FOXK1: variants seen among roughly 807,000 people sequenced by gnomAD.
The protein encoded by FOXK1 is forkhead box protein K1.
In FOXK1, 19 loss-of-function variants were observed where a neutral mutation model predicts 51.9. The ratio of observed to expected loss-of-function variants is 0.37; its 90% confidence interval spans 0.26 to 0.54. FOXK1 has a LOEUF of 0.54. Ranked by LOEUF, FOXK1 falls within the 20% of genes least tolerant of loss-of-function variation. The pLI is 0.87. For missense variants in FOXK1, 870 were observed against 1,032.7 expected (o/e 0.84, Z 2.16); for synonymous variants, 537 against 482.6 (o/e 1.11, Z -1.48).
Position 4,763,093 on chromosome 7 carries a change from C to G in FOXK1, c.*629C>G, listed in dbSNP as rs1479141078. 1 of 153,032 alleles carries G rather than the reference C, an allele frequency of 6.5e-6. No homozygotes were observed. Among genetic ancestry groups the G allele is most frequent in the Non-Finnish European group, 1.5e-5 (1 of 68,478 alleles). The allele number at this position is 153,032 out of a possible 1,614,324, so 9.5% of individuals were successfully genotyped here. A position where few individuals can be genotyped will look rare whatever the true frequency, so the allele number is the denominator to read the frequency against. On this transcript the variant is annotated 3_prime_UTR_variant, in exon 9 of 9. Coordinates refer to ENST00000328914, the MANE Select transcript of FOXK1 (RefSeq NM_001037165.2). ...CTTCATTGTACACCTGAGACAGACA[C>G]AAAAGGGATCATGTATTTTTGAGGA... is the stretch of plus-strand genomic sequence containing the variant.
At chr7:4,754,762 T>A in intron 3 of FOXK1, 147 bp downstream of exon 3, 1 of 1,032,506 alleles carries the variant, frequency 9.7e-7, no homozygotes, top group African/African-American at 1.6e-5. Flanking sequence ...CAGCTGGCGG[T>A]AGAGCCGTCG....
At chr7:4,702,545 A>C (rs569921782) in intron 1 of FOXK1, among the ~76,000 whole-genome samples, 1 of 152,104 alleles carries the variant, frequency 6.6e-6, no homozygotes, top group Non-Finnish European at 1.5e-5. Flanking sequence ...GGGTTTCACC[A>C]TGTTGGCCAG....
At position 4,690,314 on chromosome 7, in the gene FOXK1, G is replaced by A. The variant is rs113842437; in HGVS notation, c.560+7446G>A. On this transcript the variant is annotated intron_variant, in intron 1 of 8. Coordinates refer to ENST00000328914, the MANE Select transcript of FOXK1 (RefSeq NM_001037165.2). ...CGGGGTGAAGCTTTAGTTTCAGTCC[G>A]GTTGTATCTTGATAGCCAAGAAATG... Among the ~76,000 whole-genome samples, 37 of 152,350 alleles carry A rather than the reference G, an allele frequency of 2.4e-4. No individual in the cohort carries two copies. In the East Asian group the frequency reaches 6.0e-3, roughly 25 times the overall value.
chr7:4,752,474 A>G (rs1780791821), intron 2 of FOXK1, among the ~76,000 whole-genome samples: 2 of 152,230 alleles, frequency 1.3e-5, no homozygotes, highest in African/African-American at 2.4e-5. Flanking sequence ...CTTCTGCAAA[A>G]TAACTGCTGG....
chr7:4,723,951 G>T lies in FOXK1; in HGVS notation c.561-16887G>T, dbSNP rs762488401. ...TTCCCAAAGTGCTGGGATTACAGGCGTGCACCTCTGTGCTCGGCCCATTCG... is the reference window on the plus strand; with the variant it reads ...TTCCCAAAGTGCTGGGATTACAGGCTTGCACCTCTGTGCTCGGCCCATTCG... On this transcript the variant is annotated intron_variant, in intron 1 of 8. Transcript: ENST00000328914. This position sits in a 1 kb window ranked among gnomAD's most constrained non-coding sequence, Gnocchi z 4.7. 6.6e-6 allele frequency among the ~76,000 whole-genome samples: 1 copy of T among 152,076 alleles called. No homozygotes were observed. The highest frequency in any genetic ancestry group is 2.1e-4 in the South Asian group (1 of 4,822).
At chr7:4,759,252 G>A (rs1399759581) in intron 6 of FOXK1, 35 bp downstream of exon 6, 2 of 1,608,920 alleles carry the variant, frequency 1.2e-6, no homozygotes, top group Non-Finnish European at 1.7e-6. Flanking sequence ...GGGGCGGGGC[G>A]GGGCGGGACT....
chr7:4,739,165 G>GCAGC (rs1583203446), intron 1 of FOXK1, among the ~76,000 whole-genome samples: 1 of 152,348 alleles, frequency 6.6e-6, no homozygotes, highest in East Asian at 1.9e-4. Context: ...CATAGACCCA[G>GCAGC]CAGCCTGGTG....
chr7:4,732,869 T>C (rs552272892), intron 1 of FOXK1, among the ~76,000 whole-genome samples: 2 of 152,314 alleles, frequency 1.3e-5, no homozygotes, highest in African/African-American at 2.4e-5. Flanking sequence ...CTCTTTCCCA[T>C]AGCGCAGAGT....
rs903239836 is a variant in FOXK1, at chr7:4,682,426, C to T, written c.118C>T (p.Pro40Ser). The stretch of plus-strand genomic sequence containing the variant: ...CGCCGCCTTCCCCGCGGCCGCACCC[C>T]CGCCGGCCCCCGCGCAGCCCCAGCC... ...AAAAFPAAAP[P>S]PAPAQPQPPP... Residue 40 changes from proline (P) to serine (S), a missense_variant, in exon 1 of 9, where the codon CCG becomes TCG. This residue lies in a region of FOXK1 where 399 missense variants were observed against 475.6 expected (regional missense o/e 0.84). Coordinates refer to ENST00000328914, the MANE Select transcript of FOXK1 (RefSeq NM_001037165.2). The surrounding 1 kb of genome is among the most constrained non-coding windows in gnomAD (Gnocchi z 7.6). 12 of 981,046 alleles carry T rather than the reference C, an allele frequency of 1.2e-5. No homozygotes were observed. The highest frequency in any genetic ancestry group is 1.4e-5 in the Non-Finnish European group (12 of 828,598). The allele number at this position is 981,046 out of a possible 1,614,324, so 60.8% of individuals were successfully genotyped here.
chr7:4,762,541 A>T lies in FOXK1; in HGVS notation c.*77A>T. 7.0e-7 allele frequency: 1 copy of T among 1,424,606 alleles called. No individual in the cohort carries two copies. The allele number at this position is 1,424,606 out of a possible 1,614,324, so 88.2% of individuals were successfully genotyped here. Reference sequence around the variant, plus strand: ...TGGACCCGGCAGCTCAGGCGGCCGCACCCACAGACGGAGGAGAACAGCCCG... The same window carrying T: ...TGGACCCGGCAGCTCAGGCGGCCGCTCCCACAGACGGAGGAGAACAGCCCG... On this transcript the variant is annotated 3_prime_UTR_variant, in exon 9 of 9. Coordinates refer to ENST00000328914, the MANE Select transcript of FOXK1 (RefSeq NM_001037165.2). This position sits in a 1 kb window ranked among gnomAD's most constrained non-coding sequence, Gnocchi z 5.7.
chr7:4,731,979 A>C lies in FOXK1; in HGVS notation c.561-8859A>C, dbSNP rs1780483935. On this transcript the variant is annotated intron_variant, in intron 1 of 8. Transcript: ENST00000328914. The surrounding 1 kb of genome is among the most constrained non-coding windows in gnomAD (Gnocchi z 5.3). ...GGCCGGGCTGGCCAGGGCGGGGCTC[A>C]GATTCAGTGACTTGCCCAGGTGCCC... 6.6e-6 allele frequency among the ~76,000 whole-genome samples: 1 copy of C among 152,208 alleles called. No homozygotes were observed. The highest frequency in any genetic ancestry group is 3.2e-3 in the Middle Eastern group (1 of 316).
At chr7:4,706,062 ATG>A (rs144535108) in intron 1 of FOXK1, among the ~76,000 whole-genome samples, 15,350 of 136,808 alleles carry the variant, frequency 0.11, 3,884 homozygotes, top group African/African-American at 0.42. Flanking sequence ...ATGTATATAT[ATG>A]TGTATATATG....
chr7:4,710,822 A>G (rs1780164880), intron 1 of FOXK1, among the ~76,000 whole-genome samples: 1 of 152,118 alleles, frequency 6.6e-6, no homozygotes, highest in Non-Finnish European at 1.5e-5. Context: ...TGGAGCCACC[A>G]GTTCCCACCA....
At position 4,729,841 on chromosome 7, in the gene FOXK1, C is replaced by G. The variant is rs375329125; in HGVS notation, c.561-10997C>G. Among the ~76,000 whole-genome samples, 4 of 152,092 alleles carry G rather than the reference C, an allele frequency of 2.6e-5. No individual in the cohort carries two copies. The highest frequency in any genetic ancestry group is 7.2e-5 in the African/African-American group (3 of 41,422). On this transcript the variant is annotated intron_variant, in intron 1 of 8. Coordinates refer to ENST00000328914, the MANE Select transcript of FOXK1 (RefSeq NM_001037165.2). The surrounding 1 kb of genome is among the most constrained non-coding windows in gnomAD (Gnocchi z 6.2). ...CCCATCTCTACTAACAATACAAAAA[C>G]TAGCCAGGCCTGGTAGTGGGTACCA...
chr7:4,740,187 T>A (rs902638009), intron 1 of FOXK1, among the ~76,000 whole-genome samples: 1 of 151,820 alleles, frequency 6.6e-6, no homozygotes, highest in East Asian at 1.9e-4. Flanking sequence ...TCCCAGCACT[T>A]TGGGAGGTCA....
At position 4,711,812 on chromosome 7, in the gene FOXK1, G is replaced by A. The variant is rs115412907; in HGVS notation, c.560+28944G>A. Among the ~76,000 whole-genome samples the A allele has an allele frequency of 0.049, 7,488 of 152,274 alleles. 275 individuals are homozygous for A. Among genetic ancestry groups the A allele is most frequent in the Admixed American group, 0.12 (1,762 of 15,300 alleles). On this transcript the variant is annotated intron_variant, in intron 1 of 8. Coordinates refer to ENST00000328914, the MANE Select transcript of FOXK1 (RefSeq NM_001037165.2). This position sits in a 1 kb window ranked among gnomAD's most constrained non-coding sequence, Gnocchi z 6.3. ...ATGCCACGGACCGTAGAGAAGCAAC[G>A]CAAGGTCAGAGAGAAAAGATTGCGG...
At chr7:4,687,084 C>T (rs1779829277) in intron 1 of FOXK1, among the ~76,000 whole-genome samples, 1 of 151,932 alleles carries the variant, frequency 6.6e-6, no homozygotes, top group Non-Finnish European at 1.5e-5. Context: ...GGGCACCTGC[C>T]AGCATGCCCA....
Position 4,759,160 on chromosome 7 carries a change from G to C in FOXK1, c.1354G>C (p.Glu452Gln). Residue 452 changes from glutamate to glutamine, a missense_variant, in exon 6 of 9, where the codon GAG becomes CAG. By Grantham distance (29) the Glu-to-Gln change is conservative (BLOSUM62 2). Coordinates refer to ENST00000328914, the MANE Select transcript of FOXK1 (RefSeq NM_001037165.2). ...GGGCTCCCCCATTCCACACGACCCT[G>C]AGTTTGGGTCCAAGTTAGCTTCTGT... ...REGSPIPHDP[E>Q]FGSKLASVPE... 1.9e-6 allele frequency: 3 copies of C among 1,612,788 alleles called. No individual in the cohort carries two copies. Among genetic ancestry groups the C allele is most frequent in the East Asian group, 2.2e-5 (1 of 44,868 alleles).
chr7:4,694,131 C>T (rs1779924974), intron 1 of FOXK1, among the ~76,000 whole-genome samples: 1 of 152,220 alleles, frequency 6.6e-6, no homozygotes, highest in Non-Finnish European at 1.5e-5. Context: ...ACATGATCCT[C>T]CCACCTGGGC....
Sources: gnomAD v4.1 joint callset for allele counts (sites outside exome capture counted in the v4.1 genomes callset) on GRCh38, gnomAD v4.1.1 for gene constraint, gnomAD v4.1.1 regional missense constraint, Gnocchi (gnomAD v3.1) non-coding constraint, MANE v1.5 for transcripts, NCBI Gene and HGNC (gene_info 2026-07-23, HGNC 2026-07-21) for gene names.